Variants in TFCP2L1 observed in about 807,000 individuals in gnomAD.
The protein encoded by TFCP2L1 is transcription factor CP2-like protein 1.
TFCP2L1 carries 12 observed loss-of-function variants against 72.2 expected under a neutral mutation model. The observed-to-expected ratio is 0.17, with a 90% CI of 0.11 to 0.27. The LOEUF is 0.27. Among genes scored for constraint, TFCP2L1 ranks in the 10% least tolerant of loss-of-function variants. The probability of loss-of-function intolerance (pLI) is 1.00; values close to 1 mark genes in which losing one functional copy is unlikely to be tolerated. For missense variants in TFCP2L1, 488 were observed against 624.6 expected (o/e 0.78, Z 2.33); for synonymous variants, 260 against 251.0 (o/e 1.04, Z -0.34).
At chr2:121,245,877 C>T (rs560364764) in intron 6 of TFCP2L1, among the ~76,000 whole-genome samples, 14 of 152,364 alleles carry the variant, frequency 9.2e-5, no homozygotes, top group African/African-American at 3.1e-4. Flanking sequence ...GATCAGCACA[C>T]ACCCAGCTTT....
rs1285113100 is a variant in TFCP2L1, at chr2:121,216,600, T to G, written c.*7741A>C. On this transcript the variant is annotated 3_prime_UTR_variant, in exon 15 of 15. Coordinates refer to ENST00000263707, the MANE Select transcript of TFCP2L1 (RefSeq NM_014553.3). ...GAGCCACAGAGGTTTCTTACAAATGTGAGTTTTATTTGCATTCTAACCCAA... is the reference window on the plus strand; with the variant it reads ...GAGCCACAGAGGTTTCTTACAAATGGGAGTTTTATTTGCATTCTAACCCAA... 1.3e-5 allele frequency: 2 copies of G among 152,244 alleles called. No homozygotes were observed. Among genetic ancestry groups the G allele is most frequent in the East Asian group, 3.8e-4 (2 of 5,204 alleles). The allele number at this position is 152,244 out of a possible 1,614,324, so 9.4% of individuals were successfully genotyped here. A position where few individuals can be genotyped will look rare whatever the true frequency, so the allele number is the denominator to read the frequency against.
At chr2:121,228,006 T>C (rs966184329) in intron 13 of TFCP2L1, among the ~76,000 whole-genome samples, 13 of 152,220 alleles carry the variant, frequency 8.5e-5, no homozygotes, top group Non-Finnish European at 1.8e-4. Flanking sequence ...TCAGTAACTC[T>C]CTTGTTTAAT....
At chr2:121,262,735 C>T (rs929821839) in intron 2 of TFCP2L1, among the ~76,000 whole-genome samples, 1 of 152,154 alleles carries the variant, frequency 6.6e-6, no homozygotes, top group Non-Finnish European at 1.5e-5. Context: ...TTATGGGAAA[C>T]TGAGGACAGG....
At chr2:121,273,015 A>T (rs919310800) in intron 2 of TFCP2L1, among the ~76,000 whole-genome samples, 2 of 152,160 alleles carry the variant, frequency 1.3e-5, no homozygotes, top group African/African-American at 4.8e-5. Flanking sequence ...TGGGATAGAC[A>T]GTGTGTTCAG....
At chr2:121,239,894 C>T (rs1356859165) in intron 7 of TFCP2L1, among the ~76,000 whole-genome samples, 3 of 152,198 alleles carry the variant, frequency 2.0e-5, no homozygotes, top group Admixed American at 2.0e-4. Flanking sequence ...AGGGGTCTCT[C>T]TGGGCTTCCT....
chr2:121,267,148 C>T (rs985601937), intron 2 of TFCP2L1, among the ~76,000 whole-genome samples: 2 of 152,044 alleles, frequency 1.3e-5, no homozygotes, highest in African/African-American at 2.4e-5. Context: ...GAACTCCTGG[C>T]CTCAATCAAT....
chr2:121,231,793 C>T (rs755094746), intron 13 of TFCP2L1, 33 bp downstream of exon 13: 19 of 1,608,020 alleles, frequency 1.2e-5, no homozygotes, highest in Non-Finnish European at 1.6e-5. Flanking sequence ...GCCCAGAGCC[C>T]GTTGTCGGGG....
intron 5 of TFCP2L1, 105 bp from the exon 6 acceptor site, chr2:121,247,075 G>A: frequency 2.2e-6 from 3 of 1,375,752 alleles, no homozygotes; most frequent in Non-Finnish European, 3.0e-6. Context: ...TGCTTGGTCA[G>A]TGCAGGCCTG....
At chr2:121,250,464 T>C (rs1446597612) in intron 2 of TFCP2L1, among the ~76,000 whole-genome samples, 3 of 151,462 alleles carry the variant, frequency 2.0e-5, no homozygotes, top group Non-Finnish European at 4.4e-5. Context: ...TCAAAAAATA[T>C]ATATATATAA....
At chr2:121,246,789 G>A in intron 6 of TFCP2L1, 29 bp downstream of exon 6, 1 of 1,613,468 alleles carries the variant, frequency 6.2e-7, no homozygotes, top group Non-Finnish European at 8.5e-7. Flanking sequence ...CAGCAGCAGG[G>A]CACGGCAGAG....
intron 7 of TFCP2L1, among the ~76,000 whole-genome samples, 195 bp downstream of exon 7, chr2:121,242,164 A>G (rs990230224): frequency 6.6e-6 from 1 of 150,682 alleles, no homozygotes; most frequent in Non-Finnish European, 1.5e-5. Context: ...GCTGGAAGTT[A>G]TTTCTGAAAT....
chr2:121,252,922 C>A (rs1686640489), intron 2 of TFCP2L1, among the ~76,000 whole-genome samples: 1 of 152,342 alleles, frequency 6.6e-6, no homozygotes, highest in East Asian at 1.9e-4. Context: ...CACCTATCAT[C>A]CCCGTGCTTT....
intron 6 of TFCP2L1, among the ~76,000 whole-genome samples, 164 bp from the exon 7 acceptor site, chr2:121,242,633 C>A (rs1049755286): frequency 2.9e-4 from 44 of 152,182 alleles, no homozygotes; most frequent in African/African-American, 8.5e-4. Context: ...TGCTTCCCCA[C>A]CTGAGGAACT....
Position 121,217,531 on chromosome 2 carries a change from G to GC in TFCP2L1, c.*6809dup, listed in dbSNP as rs1189551121. The GC allele has an allele frequency of 6.6e-6, 1 of 152,478 alleles. No homozygotes were observed. Among genetic ancestry groups the GC allele is most frequent in the African/African-American group, 2.4e-5 (1 of 41,460 alleles). The allele number at this position is 152,478 out of a possible 1,614,324, so 9.4% of individuals were successfully genotyped here. A position where few individuals can be genotyped will look rare whatever the true frequency, so the allele number is the denominator to read the frequency against. The stretch of plus-strand genomic sequence containing the variant: ...TACCCTTATGGAGGGCCGGGGGGCG[G>GC]CCCCTCAAAACCACCAAGCTGAGGC... On this transcript the variant is annotated 3_prime_UTR_variant, in exon 15 of 15. Transcript: ENST00000263707.
At chr2:121,239,750 C>A (rs1686326534) in intron 7 of TFCP2L1, 101 bp from the exon 8 acceptor site, 6 of 1,163,548 alleles carry the variant, frequency 5.2e-6, no homozygotes, top group Non-Finnish European at 7.3e-6. Context: ...ATGCATGAGA[C>A]CCCCACCTGT....
At chr2:121,265,606 C>G (rs190141978) in intron 2 of TFCP2L1, among the ~76,000 whole-genome samples, 1 of 151,992 alleles carries the variant, frequency 6.6e-6, no homozygotes, top group East Asian at 1.9e-4. Context: ...GCTGCAGCTT[C>G]CCAAGTATCT....
intron 2 of TFCP2L1, among the ~76,000 whole-genome samples, chr2:121,266,673 C>G (rs894337742): frequency 9.9e-5 from 15 of 152,122 alleles, no homozygotes; most frequent in African/African-American, 3.4e-4. Context: ...TTGCTTTAAT[C>G]CGTTCTCAAT....
At chr2:121,239,822 C>T (rs769050509) in intron 7 of TFCP2L1, among the ~76,000 whole-genome samples, 173 bp from the exon 8 acceptor site, 7 of 152,186 alleles carry the variant, frequency 4.6e-5, no homozygotes, top group Non-Finnish European at 1.0e-4. Context: ...GTTACGAGGG[C>T]CACATGAAGG....
intron 2 of TFCP2L1, among the ~76,000 whole-genome samples, chr2:121,265,267 G>C (rs1379340896): frequency 6.6e-6 from 1 of 152,184 alleles, no homozygotes; most frequent in Non-Finnish European, 1.5e-5. Flanking sequence ...TCTAGAATAG[G>C]CAAGTGGGTA....
Sources: allele counts gnomAD v4.1 joint callset (sites outside exome capture counted in the v4.1 genomes callset), GRCh38; gene constraint gnomAD v4.1.1; transcripts MANE v1.5; gene names NCBI Gene and HGNC (gene_info 2026-07-23, HGNC 2026-07-21).